FSTL4: variants seen among roughly 807,000 people sequenced by gnomAD.
FSTL4 encodes follistatin-related protein 4.
A neutral mutation model predicts 78.2 loss-of-function variants in FSTL4; 28 were observed. That is an observed-to-expected ratio of 0.36 (90% CI 0.27 to 0.49). FSTL4 has a LOEUF of 0.49. Ranked by LOEUF, FSTL4 falls within the 20% of genes least tolerant of loss-of-function variation. FSTL4 has a pLI of 0.98. For synonymous variants in FSTL4, 422 were observed against 440.5 expected, an observed-to-expected ratio of 0.96 and a Z score of 0.53; for missense variants, 922 against 1,084.9, an observed-to-expected ratio of 0.85 and a Z score of 2.11.
chr5:133,232,935 G>A (rs1213504925), intron 8 of FSTL4, among the ~76,000 whole-genome samples: 2 of 152,376 alleles, frequency 1.3e-5, no homozygotes, highest in Admixed American at 1.3e-4. Flanking sequence ...GCTAAGATGA[G>A]GCTCATTGGG....
In FSTL4 at chr5:133,276,156, G is replaced by A. The variant is rs534569941; in HGVS notation, c.728-26580C>T. Among the ~76,000 whole-genome samples, 170 of 152,280 alleles carry A rather than the reference G, an allele frequency of 1.1e-3. 2 individuals carry two copies. The highest frequency in any genetic ancestry group is 3.6e-3 in the African/African-American group (151 of 41,538). ...ATCACAATGTTTCCCCTCTAAGTGG[G>A]GTCTGCACCTTCCTTAAGGAGGGAA... On this transcript the variant is annotated intron_variant, in intron 6 of 15. Transcript: ENST00000265342.
At chr5:133,363,250 A>G (rs762860294) in intron 4 of FSTL4, among the ~76,000 whole-genome samples, 5 of 152,222 alleles carry the variant, frequency 3.3e-5, no homozygotes, top group Admixed American at 1.3e-4. Context: ...CAGCAGCGAC[A>G]GGTACCAAGT....
intron 3 of FSTL4, among the ~76,000 whole-genome samples, chr5:133,490,145 T>G (rs1758227322): frequency 6.6e-6 from 1 of 152,080 alleles, no homozygotes; most frequent in African/African-American, 2.4e-5. Context: ...TTTTTTTTTT[T>G]TAAATCTGCA....
chr5:133,761,629 G>C, the FSTL4 span, among the ~76,000 whole-genome samples: 1 of 152,136 alleles, frequency 6.6e-6, no homozygotes, highest in African/African-American at 2.4e-5. Flanking sequence ...TTCCAAGATT[G>C]ACACAGCAGC....
chr5:133,756,287 G>C, the FSTL4 span, among the ~76,000 whole-genome samples: 3 of 151,968 alleles, frequency 2.0e-5, no homozygotes, highest in African/African-American at 7.3e-5. Flanking sequence ...GCAGGAGTGA[G>C]GTGGAGGGGA....
rs1288099851 is a variant in FSTL4 at position 133,426,639 on chromosome 5, G to A, written c.161-25653C>T. Among the ~76,000 whole-genome samples the A allele has an allele frequency of 6.6e-6, 1 of 152,152 alleles. No homozygotes were observed. The highest frequency in any genetic ancestry group is 1.5e-5 in the Non-Finnish European group (1 of 68,032). On this transcript the variant is annotated intron_variant, in intron 3 of 15. Coordinates refer to ENST00000265342, the MANE Select transcript of FSTL4 (RefSeq NM_015082.2). This position sits in a 1 kb window ranked among gnomAD's most constrained non-coding sequence, Gnocchi z 5.0. The stretch of plus-strand genomic sequence containing the variant: ...TGGATCACTGGGTGGCTGGGGAGTG[G>A]AGGCAAAAGTAGTAGAAGCGGTGGC...
the FSTL4 span, among the ~76,000 whole-genome samples, chr5:133,645,808 A>C: frequency 2.0e-5 from 3 of 152,122 alleles, no homozygotes; most frequent in African/African-American, 7.2e-5. Context: ...ACTAAGGAAC[A>C]CCTGGAACAC....
intron 3 of FSTL4, among the ~76,000 whole-genome samples, chr5:133,541,562 TAAG>T (rs1334667431): frequency 6.6e-6 from 1 of 152,206 alleles, no homozygotes; most frequent in Non-Finnish European, 1.5e-5. Flanking sequence ...AGACACATTG[TAAG>T]AAGAATATGT....
chr5:133,636,180 C>T, the FSTL4 span, among the ~76,000 whole-genome samples: 1 of 152,148 alleles, frequency 6.6e-6, no homozygotes, highest in Non-Finnish European at 1.5e-5. Flanking sequence ...CAAGGCAAGA[C>T]CAAGAATCAA....
chr5:133,386,711 T>C (rs535882810), intron 4 of FSTL4, among the ~76,000 whole-genome samples: 1 of 152,284 alleles, frequency 6.6e-6, no homozygotes, highest in South Asian at 2.1e-4. Flanking sequence ...GTGGGGACAC[T>C]GGCGAGAAGG....
At chr5:133,696,546 C>G in the FSTL4 span, among the ~76,000 whole-genome samples, 1 of 152,264 alleles carries the variant, frequency 6.6e-6, no homozygotes, top group Non-Finnish European at 1.5e-5. Flanking sequence ...AGTCGTGTCT[C>G]TCTCTCCTAC....
the FSTL4 span, among the ~76,000 whole-genome samples, chr5:133,635,971 C>T: frequency 6.6e-6 from 1 of 152,156 alleles, no homozygotes; most frequent in Non-Finnish European, 1.5e-5. Flanking sequence ...CACTATAGTA[C>T]AGTGTCACCT....
At chr5:133,537,112 G>A (rs1759365313) in intron 3 of FSTL4, among the ~76,000 whole-genome samples, 1 of 152,154 alleles carries the variant, frequency 6.6e-6, no homozygotes, top group Admixed American at 6.5e-5. Flanking sequence ...TTTCTTTAGG[G>A]TGGCCATCAT....
intron 4 of FSTL4, among the ~76,000 whole-genome samples, chr5:133,332,656 GA>G (rs1473868205): frequency 6.6e-6 from 1 of 152,166 alleles, no homozygotes; most frequent in African/African-American, 2.4e-5. Context: ...CTTATGCTTT[GA>G]AAATGTGGTT....
chr5:133,776,157 T>A, the FSTL4 span, among the ~76,000 whole-genome samples: 1 of 152,260 alleles, frequency 6.6e-6, no homozygotes, highest in Non-Finnish European at 1.5e-5. Flanking sequence ...CCCTGCTCTG[T>A]GCTCTGGGTG....
intron 2 of FSTL4, among the ~76,000 whole-genome samples, chr5:133,572,504 T>G (rs1002773447): frequency 6.6e-6 from 1 of 152,124 alleles, no homozygotes; most frequent in African/African-American, 2.4e-5. Flanking sequence ...AGAGAATACA[T>G]TGCCAACAAA....
intron 2 of FSTL4, among the ~76,000 whole-genome samples, chr5:133,590,348 T>A (rs56147310): frequency 0.02 from 3,090 of 152,180 alleles, 117 homozygotes; most frequent in African/African-American, 0.071. Context: ...AAAAACCAAA[T>A]TTTTAATGCA....
intron 7 of FSTL4, chr5:133,244,099 G>A (rs1193791882): frequency 6.5e-6 from 1 of 152,672 alleles, no homozygotes; most frequent in Non-Finnish European, 1.5e-5. Flanking sequence ...GGGGGCCAGA[G>A]TAGGGAGGGA....
At chr5:133,224,991 CCCT>C (rs1479824971) in intron 10 of FSTL4, among the ~76,000 whole-genome samples, 156 bp downstream of exon 10, 8 of 152,192 alleles carry the variant, frequency 5.3e-5, no homozygotes, top group African/African-American at 1.9e-4. Flanking sequence ...CCTCTGGGTG[CCCT>C]CCAATTCCAG....
Sources: allele counts gnomAD v4.1 joint callset (sites outside exome capture counted in the v4.1 genomes callset), GRCh38; gene constraint gnomAD v4.1.1; non-coding constraint Gnocchi (gnomAD v3.1); transcripts MANE v1.5; gene names NCBI Gene and HGNC (gene_info 2026-07-23, HGNC 2026-07-21).